Variants in GARIN2 observed in about 807,000 individuals in gnomAD.
The protein encoded by GARIN2 is Golgi-associated RAB2 interactor protein 2.
At chr14:67,196,771 A>C in the GARIN2 span, 2 of 152,256 alleles carry the variant, frequency 1.3e-5, no homozygotes, top group African/African-American at 4.8e-5. Context: ...GAGGATCATC[A>C]ACAACAGCTC....
At chr14:67,215,533 G>T in the GARIN2 span, among the ~76,000 whole-genome samples, 1 of 142,392 alleles carries the variant, frequency 7.0e-6, no homozygotes, top group Non-Finnish European at 1.5e-5. Context: ...AACAACAACA[G>T]GAGAGAGTGA....
chr14:67,201,989 C>T, the GARIN2 span, among the ~76,000 whole-genome samples: 1 of 152,216 alleles, frequency 6.6e-6, no homozygotes, highest in African/African-American at 2.4e-5. Flanking sequence ...TCCTCTCAAC[C>T]CAGCCAGTTT....
the GARIN2 span, chr14:67,221,926 A>C: frequency 7.7e-7 from 1 of 1,292,742 alleles, no homozygotes; most frequent in East Asian, 2.5e-5. Context: ...TTTTTGATGC[A>C]TTTCCTTTCT....
At chr14:67,211,405 T>C in the GARIN2 span, among the ~76,000 whole-genome samples, 1 of 152,122 alleles carries the variant, frequency 6.6e-6, no homozygotes, top group Non-Finnish European at 1.5e-5. Flanking sequence ...TCCACTATAC[T>C]ACCCAATAAA....
chr14:67,194,995 A>G, the GARIN2 span, among the ~76,000 whole-genome samples: 1 of 152,124 alleles, frequency 6.6e-6, no homozygotes, highest in Non-Finnish European at 1.5e-5. Context: ...GTGAGCCACC[A>G]CGCCCAAGCC....
At chr14:67,199,677 G>A in the GARIN2 span, 50 of 1,578,572 alleles carry the variant, frequency 3.2e-5, no homozygotes, top group Middle Eastern at 3.3e-4. Context: ...CAGCCTGACC[G>A]CCCTCATCAG....
chr14:67,224,377 G>A, the GARIN2 span, among the ~76,000 whole-genome samples: 1,488 of 151,534 alleles, frequency 9.8e-3, 10 homozygotes, highest in Non-Finnish European at 0.015. Flanking sequence ...TCTTGCCTCA[G>A]TCTCCCGAGT....
At chr14:67,212,367 C>A in the GARIN2 span, among the ~76,000 whole-genome samples, 1 of 151,716 alleles carries the variant, frequency 6.6e-6, no homozygotes, top group Non-Finnish European at 1.5e-5. Context: ...ATGGGCAGAT[C>A]GCTCAAGCCA....
At chr14:67,200,209 G>A in the GARIN2 span, 5 of 1,108,168 alleles carry the variant, frequency 4.5e-6, no homozygotes, top group South Asian at 6.6e-5. Context: ...GCCCCCCATG[G>A]ATACACTGGC....
At chr14:67,211,194 C>T in the GARIN2 span, among the ~76,000 whole-genome samples, 3 of 152,042 alleles carry the variant, frequency 2.0e-5, no homozygotes, top group East Asian at 5.8e-4. Context: ...TATTAAAACC[C>T]TCACAATACC....
chr14:67,192,830 C>G, the GARIN2 span, among the ~76,000 whole-genome samples: 1 of 139,538 alleles, frequency 7.2e-6, no homozygotes, highest in Non-Finnish European at 1.5e-5. Context: ...ATGTACAGAT[C>G]TATATATATA....
chr14:67,219,105 G>C, the GARIN2 span, among the ~76,000 whole-genome samples: 1 of 152,174 alleles, frequency 6.6e-6, no homozygotes, highest in Non-Finnish European at 1.5e-5. Flanking sequence ...GTGGTGATTG[G>C]GGAGTAGGAA....
chr14:67,195,758 T>TGTGTGTGTG, the GARIN2 span, among the ~76,000 whole-genome samples: 1 of 147,774 alleles, frequency 6.8e-6, no homozygotes, highest in African/African-American at 2.5e-5. Flanking sequence ...TGTGTGTGTG[T>TGTGTGTGTG]TTTGAGACAG....
chr14:67,199,172 A>ACAGTAGT, the GARIN2 span: 1 of 1,602,256 alleles, frequency 6.2e-7, no homozygotes, highest in Admixed American at 1.7e-5. Context: ...TCCAGGCTGG[A>ACAGTAGT]CCAGTAGTCA....
chr14:67,207,158 T>G, the GARIN2 span, among the ~76,000 whole-genome samples: 1 of 152,132 alleles, frequency 6.6e-6, no homozygotes, highest in African/African-American at 2.4e-5. Flanking sequence ...ATTGTTGCAT[T>G]GCTATAAAGA....
At chr14:67,208,945 A>G in the GARIN2 span, among the ~76,000 whole-genome samples, 1 of 152,032 alleles carries the variant, frequency 6.6e-6, no homozygotes, top group Non-Finnish European at 1.5e-5. Context: ...AAAAAGCAAA[A>G]TTCTAGGAAA....
chr14:67,198,094 A>C, the GARIN2 span: 10 of 1,541,762 alleles, frequency 6.5e-6, 2 homozygotes, highest in Admixed American at 2.1e-5. Flanking sequence ...TTATGATATT[A>C]AATTCTCTCT....
At chr14:67,192,097 G>T in the GARIN2 span, among the ~76,000 whole-genome samples, 2 of 152,190 alleles carry the variant, frequency 1.3e-5, no homozygotes, top group Non-Finnish European at 2.9e-5. Context: ...TGCCACCCTC[G>T]CTCTGCAGCG....
At chr14:67,211,421 C>T in the GARIN2 span, among the ~76,000 whole-genome samples, 1 of 151,948 alleles carries the variant, frequency 6.6e-6, no homozygotes, top group Non-Finnish European at 1.5e-5. Context: ...ATAAACTGAA[C>T]CTAGAGGAGA....
Sources: allele counts gnomAD v4.1 joint callset (sites outside exome capture counted in the v4.1 genomes callset), GRCh38; gene constraint gnomAD v4.1.1; transcripts MANE v1.5; gene names NCBI Gene and HGNC (gene_info 2026-07-23, HGNC 2026-07-21).